Variants in SYMPK observed in about 807,000 individuals in gnomAD.
The protein encoded by SYMPK is symplekin scaffold protein.
Under a neutral mutation model 136.4 loss-of-function variants are expected in SYMPK, and 49 were observed. That is an observed-to-expected ratio of 0.36 (90% CI 0.29 to 0.46). The LOEUF is 0.46. Among genes scored for constraint, SYMPK ranks in the 20% least tolerant of loss-of-function variants. The pLI is 1.00. For missense variants in SYMPK, 1,365 were observed against 1,690.0 expected, an observed-to-expected ratio of 0.81 and a Z score of 3.37; for synonymous variants, 766 against 713.0, an observed-to-expected ratio of 1.07 and a Z score of -1.19.
At chr19:45,828,087 G>A in intron 14 of SYMPK, 169 bp from the exon 15 acceptor site, 1 of 602,080 alleles carries the variant, frequency 1.7e-6, no homozygotes, top group Non-Finnish European at 3.0e-6. Context: ...TCAAAAGCTG[G>A]CGGCTGGATG....
intron 23 of SYMPK, among the ~76,000 whole-genome samples, chr19:45,817,648 G>A (rs984878360): frequency 6.6e-6 from 1 of 152,030 alleles, no homozygotes; most frequent in African/African-American, 2.4e-5. Flanking sequence ...AAAAAACTGG[G>A]CCATTTTTCA....
In SYMPK at chr19:45,816,794, G is replaced by C. The variant is rs929518258; in HGVS notation, c.3258+4C>G. ...AAAGGGTACCTGGTGGGGGGAAGGG[G>C]TACCTGGTGGGGGGTGAAGGAGCGG... On this transcript the variant is annotated splice_donor_region_variant and intron_variant, in intron 24 of 26. Coordinates refer to ENST00000245934, the MANE Select transcript of SYMPK (RefSeq NM_004819.3). 1 of 1,527,000 alleles carries C rather than the reference G, an allele frequency of 6.5e-7. No homozygotes were observed. Among genetic ancestry groups the C allele is most frequent in the Non-Finnish European group, 8.8e-7 (1 of 1,136,682 alleles). 94.6% of individuals were successfully genotyped at this position (1,527,000 alleles called of 1,614,324 possible).
chr19:45,841,917 G>A (rs1027381804), intron 9 of SYMPK, among the ~76,000 whole-genome samples: 16 of 151,820 alleles, frequency 1.1e-4, no homozygotes, highest in Non-Finnish European at 2.4e-4. Flanking sequence ...TTTAAATAAT[G>A]CATAATTTAT....
intron 12 of SYMPK, 110 bp from the exon 13 acceptor site, chr19:45,830,314 C>A: frequency 9.9e-6 from 12 of 1,206,966 alleles, no homozygotes; most frequent in Non-Finnish European, 1.2e-5. Context: ...TGGCCCCCAT[C>A]CCCCTGCTGC....
intron 11 of SYMPK, among the ~76,000 whole-genome samples, chr19:45,833,077 C>T (rs921978149): frequency 6.0e-5 from 9 of 151,034 alleles, no homozygotes; most frequent in Admixed American, 2.0e-4. Context: ...GCAGCGGGTG[C>T]CTGTAATCTC....
At chr19:45,851,577 C>CA (rs202014672) in intron 5 of SYMPK, among the ~76,000 whole-genome samples, 3,287 of 105,880 alleles carry the variant, frequency 0.031, 63 homozygotes, top group Middle Eastern at 0.1. Context: ...AACTCAGTCT[C>CA]AAAAAAAAAA....
chr19:45,843,443 C>T (rs1379350874), intron 8 of SYMPK, among the ~76,000 whole-genome samples: 1 of 152,124 alleles, frequency 6.6e-6, no homozygotes, highest in East Asian at 1.9e-4. Context: ...CATCTATCCT[C>T]CCTTTTGGTG....
Position 45,815,562 on chromosome 19 carries a change from A to G in SYMPK, c.3823T>C (p.Ter1275ArgextTer?). The stretch of plus-strand genomic sequence containing the variant: ...CCCCCTTTCCCCCTCGAGCCCCGTC[A>G]GCTGTTCCCCTTGGCCTCGGGTTCC... The part of the protein sequence containing the change: ...AREPEAKGNS[*>R] Residue 1275 changes from the stop codon to arginine (R), a stop_lost, in exon 27 of 27, where the codon TGA (stop) becomes CGA (arginine). Coordinates refer to ENST00000245934, the MANE Select transcript of SYMPK (RefSeq NM_004819.3). The G allele has an allele frequency of 7.4e-7, 1 of 1,343,676 alleles. No individual in the cohort carries two copies. Among genetic ancestry groups the G allele is most frequent in the Non-Finnish European group, 9.7e-7 (1 of 1,034,240 alleles). The allele number at this position is 1,343,676 out of a possible 1,614,324, so 83.2% of individuals were successfully genotyped here.
Position 45,829,152 on chromosome 19 carries a change from C to T in SYMPK, c.1803G>A (p.Lys601=), listed in dbSNP as rs775806281. ...SLVTQFNSGL[K]AEVLSFILED... ...CCAGGATGAAGGACAGGACCTCCGC[C>T]TTCAGGCCCGAGTTGAACTGTGTCA... The change falls in exon 14 of 27, where the codon AAG becomes AAA. Residue 601 remains lysine, a synonymous_variant. Coordinates refer to ENST00000245934, the MANE Select transcript of SYMPK (RefSeq NM_004819.3). 2.5e-6 allele frequency: 4 copies of T among 1,614,202 alleles called. No homozygotes were observed. In the South Asian group the frequency reaches 4.4e-5, roughly 18 times the overall value.
At chr19:45,818,236 G>C (rs1970801033) in intron 22 of SYMPK, 90 bp from the exon 23 acceptor site, 21 of 1,328,256 alleles carry the variant, frequency 1.6e-5, no homozygotes, top group Non-Finnish European at 2.0e-5. Flanking sequence ...GCCCATGTGA[G>C]GGGAAGACTT....
At chr19:45,832,053 G>A (rs770899579) in intron 11 of SYMPK, among the ~76,000 whole-genome samples, 1 of 151,938 alleles carries the variant, frequency 6.6e-6, no homozygotes, top group Non-Finnish European at 1.5e-5. Flanking sequence ...ATGTTGCCCA[G>A]CTTAGTCTTG....
intron 23 of SYMPK, chr19:45,817,282 C>G: frequency 2.6e-6 from 1 of 391,574 alleles, no homozygotes. Context: ...ACGGCAGCCT[C>G]CAGGGGGCGA....
chr19:45,829,475 T>A (rs183996502), intron 13 of SYMPK, among the ~76,000 whole-genome samples: 1 of 152,192 alleles, frequency 6.6e-6, no homozygotes, highest in African/African-American at 2.4e-5. Flanking sequence ...AAAAAGATCC[T>A]CAAAGATTCC....
intron 1 of SYMPK, among the ~76,000 whole-genome samples, chr19:45,860,930 T>G (rs1971952168): frequency 6.6e-6 from 1 of 152,232 alleles, no homozygotes; most frequent in Non-Finnish European, 1.5e-5. Flanking sequence ...CAAAGGCATA[T>G]AGCTTGTAAG....
chr19:45,855,059 G>C (rs1354706022), intron 1 of SYMPK: 1 of 157,420 alleles, frequency 6.4e-6, no homozygotes, highest in Non-Finnish European at 1.4e-5. Flanking sequence ...TGTATTTTCA[G>C]TAGAGACAGG....
In SYMPK at chr19:45,817,976, G is replaced by A. The variant is rs1358025119; in HGVS notation, c.3064C>T (p.Arg1022Cys). The A allele has an allele frequency of 5.1e-6, 8 of 1,576,450 alleles. No individual in the cohort carries two copies. Among genetic ancestry groups the A allele is most frequent in the East Asian group, 2.3e-5 (1 of 43,120 alleles). ...LGGFVMNILS[R>C]LIMKQVWKYP... ...TGGGTTACCTGCTTCATGATGAGGC[G>A]GGACAGGATGTTCATGACGAAGCCC... The change falls in exon 23 of 27, where the codon CGC becomes TGC. Residue 1022 changes from arginine to cysteine, a missense_variant. Around this residue, in one of 11 missense-constraint regions of SYMPK, gnomAD observed 156 missense variants for 217.8 expected, o/e 0.72. Coordinates refer to ENST00000245934, the MANE Select transcript of SYMPK (RefSeq NM_004819.3).
chr19:45,834,213 G>A (rs1037807846), intron 11 of SYMPK, among the ~76,000 whole-genome samples: 9 of 152,072 alleles, frequency 5.9e-5, no homozygotes, highest in Non-Finnish European at 1.3e-4. Flanking sequence ...GCGTGAACCC[G>A]AGAAGCGGAG....
chr19:45,859,950 A>ACC (rs1461926904), intron 1 of SYMPK, among the ~76,000 whole-genome samples: 1 of 85,576 alleles, frequency 1.2e-5, no homozygotes. Flanking sequence ...GTAAGACTCC[A>ACC]TCTAAAAAAA....
At chr19:45,845,854 G>A (rs148963176) in intron 7 of SYMPK, among the ~76,000 whole-genome samples, 129 of 152,220 alleles carry the variant, frequency 8.5e-4, no homozygotes, top group African/African-American at 2.9e-3. Flanking sequence ...CCACATCCTC[G>A]CCAGCATTTG....
Sources: gnomAD v4.1 joint callset for allele counts (sites outside exome capture counted in the v4.1 genomes callset) on GRCh38, gnomAD v4.1.1 for gene constraint, gnomAD v4.1.1 regional missense constraint, MANE v1.5 for transcripts, NCBI Gene and HGNC (gene_info 2026-07-23, HGNC 2026-07-21) for gene names.